Variants in ZBBX observed in about 807,000 individuals in gnomAD.
ZBBX encodes the protein zinc finger B-box domain-containing protein 1.
In ZBBX, 101 loss-of-function variants were observed where a neutral mutation model predicts 108.5. The ratio of observed to expected loss-of-function variants is 0.93; its 90% CI spans 0.79 to 1.10. ZBBX has a LOEUF of 1.10. Among genes scored for constraint, ZBBX ranks in the 50% least tolerant of loss-of-function variants. The pLI is 0.00. For synonymous variants in ZBBX, 356 were observed against 323.4 expected, an observed-to-expected ratio of 1.10 and a Z score of -1.08; for missense variants, 1,009 against 941.4, an observed-to-expected ratio of 1.07 and a Z score of -0.94.
chr3:167,328,181 T>C, intron 10 of ZBBX, 65 bp from the exon 11 acceptor site: 3 of 1,494,390 alleles, frequency 2.0e-6, no homozygotes, highest in Non-Finnish European at 2.7e-6. Flanking sequence ...AAAATTGTTT[T>C]AATAAAAAAA....
the ZBBX span, among the ~76,000 whole-genome samples, chr3:167,211,421 C>A: frequency 1.3e-5 from 2 of 152,146 alleles, no homozygotes; most frequent in South Asian, 4.1e-4. Flanking sequence ...TGGGAGGTTA[C>A]ATTCCTGTAC....
At chr3:167,311,263 A>G (rs1734541620) in intron 16 of ZBBX, among the ~76,000 whole-genome samples, 1 of 152,160 alleles carries the variant, frequency 6.6e-6, no homozygotes, top group African/African-American at 2.4e-5. Flanking sequence ...ATGTGAAACA[A>G]TATATATAGA....
intron 20 of ZBBX, among the ~76,000 whole-genome samples, chr3:167,267,842 G>C (rs1016189373): frequency 6.6e-6 from 1 of 152,082 alleles, no homozygotes; most frequent in Non-Finnish European, 1.5e-5. Flanking sequence ...GGACTCCAGC[G>C]CATGGGATCC....
intron 10 of ZBBX, among the ~76,000 whole-genome samples, chr3:167,332,155 CT>C (rs1738743923): frequency 6.6e-6 from 1 of 152,086 alleles, no homozygotes; most frequent in African/African-American, 2.4e-5. Flanking sequence ...AGGAGCACTG[CT>C]CTTTGGCACA....
intron 10 of ZBBX, among the ~76,000 whole-genome samples, chr3:167,330,093 T>C (rs115342773): frequency 0.012 from 1,902 of 152,294 alleles, 38 homozygotes; most frequent in African/African-American, 0.043. Context: ...CAGTGGAAGA[T>C]AGATTTTTAA....
chr3:167,215,068 G>A, the ZBBX span, among the ~76,000 whole-genome samples: 16 of 151,798 alleles, frequency 1.1e-4, no homozygotes, highest in Non-Finnish European at 2.1e-4. Flanking sequence ...CTTCGCAACG[G>A]AAAAAATTAG....
chr3:167,383,042 T>C (rs1028432262), upstream of ZBBX, among the ~76,000 whole-genome samples: 1 of 152,170 alleles, frequency 6.6e-6, no homozygotes, highest in African/African-American at 2.4e-5. Context: ...CCTTAATGAA[T>C]TAAACTGTAT....
intron 6 of ZBBX, among the ~76,000 whole-genome samples, chr3:167,363,486 T>C (rs950803356): frequency 5.8e-4 from 89 of 152,232 alleles, no homozygotes; most frequent in African/African-American, 2.1e-3. Context: ...CCACCTGTTT[T>C]TTCTTCCACC....
chr3:167,338,523 G>A (rs1214675742), intron 9 of ZBBX, among the ~76,000 whole-genome samples: 2 of 136,254 alleles, frequency 1.5e-5, no homozygotes, highest in African/African-American at 5.7e-5. Context: ...CTCCTTAAGT[G>A]ATCCAGAAGT....
the ZBBX span, among the ~76,000 whole-genome samples, chr3:167,227,161 G>A: frequency 6.6e-6 from 1 of 151,694 alleles, no homozygotes; most frequent in Admixed American, 6.6e-5. Context: ...TAGAATGTAT[G>A]TTTCATAAGA....
intron 10 of ZBBX, among the ~76,000 whole-genome samples, chr3:167,329,353 C>T (rs1383753128): frequency 2.0e-5 from 3 of 152,020 alleles, no homozygotes; most frequent in Non-Finnish European, 2.9e-5. Context: ...ATGTTCAGCC[C>T]GCAATTGAAA....
At chr3:167,248,825 A>G (rs562562373) in intron 20 of ZBBX, among the ~76,000 whole-genome samples, 22 of 152,296 alleles carry the variant, frequency 1.4e-4, no homozygotes, top group African/African-American at 5.1e-4. Context: ...AATGGGGGCA[A>G]AGGTGAGGGT....
chr3:167,362,988 C>T (rs1744765968), intron 6 of ZBBX, among the ~76,000 whole-genome samples: 1 of 151,874 alleles, frequency 6.6e-6, no homozygotes. Flanking sequence ...TTTGAAGACC[C>T]TCCAACATGC....
intron 1 of ZBBX, among the ~76,000 whole-genome samples, 172 bp from the exon 2 acceptor site, chr3:167,379,964 A>G (rs1043060783): frequency 6.6e-6 from 1 of 152,200 alleles, no homozygotes; most frequent in African/African-American, 2.4e-5. Flanking sequence ...TCATTTATCC[A>G]TTAGCATTTT....
upstream of ZBBX, chr3:167,380,365 TG>T (rs1376695501): frequency 1.3e-5 from 2 of 152,096 alleles, no homozygotes; most frequent in African/African-American, 4.8e-5. Flanking sequence ...ACCAGAAAGC[TG>T]GGTTCTGCCA....
intron 9 of ZBBX, among the ~76,000 whole-genome samples, chr3:167,347,831 T>C (rs1036631830): frequency 1.3e-5 from 2 of 151,974 alleles, no homozygotes; most frequent in Non-Finnish European, 2.9e-5. Flanking sequence ...TCTCCACAGA[T>C]GGTGTGGAAA....
chr3:167,222,379 T>C, the ZBBX span, among the ~76,000 whole-genome samples: 1 of 151,664 alleles, frequency 6.6e-6, no homozygotes, highest in Non-Finnish European at 1.5e-5. Flanking sequence ...CTTAAGGAGA[T>C]AGAGAGTAGA....
Position 167,330,318 on chromosome 3 carries a change from T to C in ZBBX, c.688-2202A>G, listed in dbSNP as rs562984658. Among the ~76,000 whole-genome samples, 5 of 152,324 alleles carry C rather than the reference T, an allele frequency of 3.3e-5. No individual in the cohort carries two copies. In the East Asian group the frequency reaches 7.7e-4, roughly 23 times the overall value. On this transcript the variant is annotated intron_variant, in intron 10 of 21. Coordinates refer to ENST00000675490, the MANE Select transcript of ZBBX (RefSeq NM_001199201.2). Reference sequence around the variant, plus strand: ...ACTCCTAGAAGAGAATGAAATGCACTTTCCATTTATAAACCTTTTTTTAAA... The same window carrying C: ...ACTCCTAGAAGAGAATGAAATGCACCTTCCATTTATAAACCTTTTTTTAAA...
intron 19 of ZBBX, among the ~76,000 whole-genome samples, chr3:167,288,235 T>C (rs1256431367): frequency 6.6e-6 from 1 of 152,122 alleles, no homozygotes; most frequent in Non-Finnish European, 1.5e-5. Context: ...CTAATAATAG[T>C]AGTGATTTTA....
Sources: gnomAD v4.1 joint callset for allele counts (sites outside exome capture counted in the v4.1 genomes callset) on GRCh38, gnomAD v4.1.1 for gene constraint, MANE v1.5 for transcripts, NCBI Gene and HGNC (gene_info 2026-07-23, HGNC 2026-07-21) for gene names.